Variants in DDAH1 observed in about 807,000 individuals in gnomAD.
DDAH1 encodes the protein N(G),N(G)-dimethylarginine dimethylaminohydrolase 1.
Under a neutral mutation model 28.8 loss-of-function variants are expected in DDAH1, and 19 were observed. That is an observed-to-expected ratio of 0.66 (90% CI 0.46 to 0.97). The LOEUF is 0.97. DDAH1 is among the 50% of genes least tolerant of loss of function. The pLI is 0.00. For missense variants in DDAH1, 326 were observed against 375.9 expected (o/e 0.87, Z 1.10); for synonymous variants, 153 against 154.4 (o/e 0.99, Z 0.07).
intron 1 of DDAH1, among the ~76,000 whole-genome samples, chr1:85,527,279 G>A (rs1477022359): frequency 6.6e-6 from 1 of 152,198 alleles, no homozygotes; most frequent in African/African-American, 2.4e-5. Flanking sequence ...GAGGAGAGGA[G>A]AGGCAGCACC....
At chr1:85,439,449 T>G (rs1258346779) in intron 1 of DDAH1, among the ~76,000 whole-genome samples, 1 of 152,230 alleles carries the variant, frequency 6.6e-6, no homozygotes, top group Non-Finnish European at 1.5e-5. Flanking sequence ...GCCAGGGGGC[T>G]ACAAAGCTGT....
At chr1:85,468,683 C>A (rs1406756750), upstream of DDAH1, among the ~76,000 whole-genome samples, 2 of 152,128 alleles carry the variant, frequency 1.3e-5, no homozygotes, top group Non-Finnish European at 2.9e-5. Context: ...CCACACCCAG[C>A]TAATTTTTGT....
chr1:85,346,664 T>C (rs1417652028), intron 4 of DDAH1, among the ~76,000 whole-genome samples: 5 of 152,204 alleles, frequency 3.3e-5, no homozygotes, highest in Non-Finnish European at 5.9e-5. Context: ...TTATCACTTA[T>C]AAGTGATATA....
At chr1:85,537,021 T>C (rs199978528) in intron 1 of DDAH1, among the ~76,000 whole-genome samples, 2 of 149,158 alleles carry the variant, frequency 1.3e-5, no homozygotes, top group Non-Finnish European at 3.0e-5. Context: ...TGTATATATA[T>C]ATACACAGTG....
intron 1 of DDAH1, among the ~76,000 whole-genome samples, chr1:85,434,400 T>G (rs1170183924): frequency 6.6e-6 from 1 of 151,398 alleles, no homozygotes. Flanking sequence ...ATTATTAAAG[T>G]ATCATATTGT....
chr1:85,324,529 C>A (rs547445897), intron 5 of DDAH1, among the ~76,000 whole-genome samples: 1 of 152,086 alleles, frequency 6.6e-6, no homozygotes, highest in African/African-American at 2.4e-5. Flanking sequence ...CCGGCATGAT[C>A]ATCTCAATTA....
At chr1:85,537,336 AAAT>A (rs751800075) in intron 1 of DDAH1, among the ~76,000 whole-genome samples, 1 of 151,504 alleles carries the variant, frequency 6.6e-6, no homozygotes, top group Non-Finnish European at 1.5e-5. Flanking sequence ...CCTGTCTCAA[AAAT>A]AATAATAATA....
At chr1:85,333,760 A>G (rs936108786) in intron 4 of DDAH1, among the ~76,000 whole-genome samples, 1 of 151,810 alleles carries the variant, frequency 6.6e-6, no homozygotes, top group East Asian at 1.9e-4. Flanking sequence ...AGAAAAAAAA[A>G]CAAGAAAGAA....
intron 1 of DDAH1, among the ~76,000 whole-genome samples, chr1:85,405,318 A>C (rs1399708511): frequency 2.0e-5 from 3 of 152,230 alleles, no homozygotes; most frequent in Non-Finnish European, 4.4e-5. Flanking sequence ...ATAGTCAAGC[A>C]TCTGAGGAAA....
chr1:85,482,104 C>G (rs1173204731), intron 2 of DDAH1, among the ~76,000 whole-genome samples: 1 of 152,208 alleles, frequency 6.6e-6, no homozygotes, highest in Non-Finnish European at 1.5e-5. Context: ...CTTTCCAACC[C>G]TGTTAGCATG....
At chr1:85,345,479 C>T (rs1182415260) in intron 4 of DDAH1, among the ~76,000 whole-genome samples, 3 of 152,118 alleles carry the variant, frequency 2.0e-5, no homozygotes, top group Non-Finnish European at 4.4e-5. Flanking sequence ...AAATATCTAG[C>T]ATTTGTTCAA....
chr1:85,575,917 CA>C (rs1450067117), intron 1 of DDAH1: 1 of 151,700 alleles, frequency 6.6e-6, no homozygotes, highest in Non-Finnish European at 1.5e-5. Flanking sequence ...GTTGTGGGGT[CA>C]GGGGAGAGGG....
At chr1:85,440,695 C>G (rs1654149300) in intron 1 of DDAH1, among the ~76,000 whole-genome samples, 2 of 152,262 alleles carry the variant, frequency 1.3e-5, no homozygotes, top group South Asian at 4.1e-4. Context: ...TTTTTCCAAT[C>G]CGGGAAGTGG....
intron 1 of DDAH1, among the ~76,000 whole-genome samples, chr1:85,424,181 A>G (rs527893051): frequency 5.3e-5 from 8 of 152,128 alleles, no homozygotes; most frequent in Non-Finnish European, 1.2e-4. Flanking sequence ...CCTTTCTTGT[A>G]ATATCTTTAT....
chr1:85,380,143 G>A (rs1476082821), intron 1 of DDAH1, among the ~76,000 whole-genome samples: 2 of 151,966 alleles, frequency 1.3e-5, no homozygotes. Flanking sequence ...TTGTGAAGTT[G>A]GTATTATTCT....
chr1:85,346,526 C>T (rs1209148388), intron 4 of DDAH1, among the ~76,000 whole-genome samples: 1 of 152,124 alleles, frequency 6.6e-6, no homozygotes, highest in Non-Finnish European at 1.5e-5. Context: ...GGTTGGGCAA[C>T]TGGGGCCAGG....
At chr1:85,354,400 A>G (rs1283104615) in intron 2 of DDAH1, among the ~76,000 whole-genome samples, 1 of 152,080 alleles carries the variant, frequency 6.6e-6, no homozygotes, top group African/African-American at 2.4e-5. Context: ...TGATTCCCTC[A>G]TTATAAAGTT....
chr1:85,424,328 A>T (rs1438520186), intron 1 of DDAH1, among the ~76,000 whole-genome samples: 2 of 152,058 alleles, frequency 1.3e-5, no homozygotes, highest in African/African-American at 4.8e-5. Context: ...AATAAGGTAA[A>T]CTTGAGCCTG....
At chr1:85,425,288 G>T (rs1653342724) in intron 1 of DDAH1, among the ~76,000 whole-genome samples, 1 of 151,848 alleles carries the variant, frequency 6.6e-6, no homozygotes, top group African/African-American at 2.4e-5. Flanking sequence ...GTTCATCTCT[G>T]CAAGCTAGTA....
Sources: gnomAD v4.1 joint callset for allele counts (sites outside exome capture counted in the v4.1 genomes callset) on GRCh38, gnomAD v4.1.1 for gene constraint, MANE v1.5 for transcripts, NCBI Gene and HGNC (gene_info 2026-07-23, HGNC 2026-07-21) for gene names.